MAPK9: variants seen among roughly 807,000 people sequenced by gnomAD.
MAPK9 encodes the protein mitogen-activated protein kinase 9, also known as Jun kinase.
A neutral mutation model predicts 57.1 loss-of-function variants in MAPK9; 30 were observed. The ratio of observed to expected loss-of-function variants is 0.53; its 90% CI spans 0.39 to 0.71. The LOEUF is 0.71. Among genes scored for constraint, MAPK9 ranks in the 30% least tolerant of loss-of-function variants. The pLI is 0.00. For missense variants in MAPK9, 362 were observed against 521.0 expected (o/e 0.69, Z 2.97); for synonymous variants, 155 against 177.0 (o/e 0.88, Z 0.99).
rs769636786 is a variant in MAPK9, at chr5:180,248,957, C to A, written c.616+16G>T. The A allele has an allele frequency of 1.9e-6, 3 of 1,580,688 alleles. No homozygotes were observed. The highest frequency in any genetic ancestry group is 1.7e-6 in the Non-Finnish European group (2 of 1,163,268). On this transcript the variant is annotated intron_variant, in intron 6 of 11. Transcript: ENST00000452135. ...TTCTAAACATCCCAGCCTCTTCCAGCCCCGGCTATACTCACCGTTCTCTTT... is the reference window on the plus strand; with the variant it reads ...TTCTAAACATCCCAGCCTCTTCCAGACCCGGCTATACTCACCGTTCTCTTT...
At chr5:180,262,965 T>A (rs1161870943) in intron 4 of MAPK9, 1 of 152,266 alleles carries the variant, frequency 6.6e-6, no homozygotes. Flanking sequence ...ACTTTCTTAG[T>A]GATCTCAGTT....
At chr5:180,262,031 C>T (rs932837618) in intron 4 of MAPK9, among the ~76,000 whole-genome samples, 6 of 151,530 alleles carry the variant, frequency 4.0e-5, no homozygotes. Context: ...AAAAAAACAA[C>T]AACCTTTTAT....
chr5:180,271,269 G>A (rs1761281461), intron 2 of MAPK9, among the ~76,000 whole-genome samples: 1 of 152,210 alleles, frequency 6.6e-6, no homozygotes, highest in Non-Finnish European at 1.5e-5. Flanking sequence ...TTGTAGCTCA[G>A]CTCCATGAGG....
chr5:180,264,839 T>C lies in MAPK9; in HGVS notation c.253A>G (p.Ile85Val). ...VLLKCVNHKNIISLLNVFTPQ... is the reference protein window; with the variant it reads ...VLLKCVNHKNVISLLNVFTPQ... ...GTAAACACATTTAACAAACTAATTA[T>C]CTGAAAAGAGAAAATTAATTATACT... The change falls in exon 4 of 12, where the codon ATA (isoleucine) becomes GTA (valine). Residue 85 changes from isoleucine (I) to valine (V), a missense_variant and splice_region_variant. Physicochemically the swap from Ile to Val is conservative, Grantham distance 29 (BLOSUM62 3). Around this residue, in one of 3 missense-constraint regions of MAPK9, gnomAD observed 127 missense variants for 231.7 expected, o/e 0.55. Transcript: ENST00000452135. The C allele has an allele frequency of 6.5e-7, 1 of 1,539,872 alleles. No homozygotes were observed. The highest frequency in any genetic ancestry group is 2.3e-5 in the East Asian group (1 of 43,290).
chr5:180,254,720 C>G (rs1193460790), intron 5 of MAPK9, among the ~76,000 whole-genome samples: 1 of 152,086 alleles, frequency 6.6e-6, no homozygotes, highest in African/African-American at 2.4e-5. Context: ...AAACCAAAAC[C>G]CAAAACCACA....
At chr5:180,251,705 A>G (rs1758708074) in intron 5 of MAPK9, among the ~76,000 whole-genome samples, 1 of 130,782 alleles carries the variant, frequency 7.6e-6, no homozygotes, top group African/African-American at 2.9e-5. Flanking sequence ...CTCAGAACAA[A>G]GAAGACAAAT....
Position 180,261,048 on chromosome 5 carries a change from G to A in MAPK9, c.450+636C>T, listed in dbSNP as rs114955561. Among the ~76,000 whole-genome samples, 324 of 151,954 alleles carry A rather than the reference G, an allele frequency of 2.1e-3. 2 individuals carry two copies. The highest frequency in any genetic ancestry group is 7.4e-3 in the African/African-American group (307 of 41,410). On this transcript the variant is annotated intron_variant, in intron 5 of 11. Coordinates refer to ENST00000452135, the MANE Select transcript of MAPK9 (RefSeq NM_002752.5). ...AGAGAATTATATTAATTATATTATCGCTCCCTAGCTTATTAAATGTTTTTC... is the reference window on the plus strand; with the variant it reads ...AGAGAATTATATTAATTATATTATCACTCCCTAGCTTATTAAATGTTTTTC...
chr5:180,280,629 A>C, intron 1 of MAPK9, 21 bp from the exon 2 acceptor site: 1 of 1,568,138 alleles, frequency 6.4e-7, no homozygotes, highest in Non-Finnish European at 8.7e-7. Flanking sequence ...AAACAGAATG[A>C]ACGTGCATTC....
At chr5:180,253,276 CCTTCT>C (rs1758902845) in intron 5 of MAPK9, among the ~76,000 whole-genome samples, 1 of 152,238 alleles carries the variant, frequency 6.6e-6, no homozygotes, top group Non-Finnish European at 1.5e-5. Context: ...GCTCCCCCTT[CCTTCT>C]CGCACAGGCC....
chr5:180,258,499 G>A (rs1190576803), intron 5 of MAPK9: 1 of 153,876 alleles, frequency 6.5e-6, no homozygotes, highest in Non-Finnish European at 1.5e-5. Context: ...ATGTAGCAAA[G>A]CCTTCAGTCA....
At chr5:180,265,417 T>C (rs1165320648) in intron 3 of MAPK9, among the ~76,000 whole-genome samples, 1 of 152,188 alleles carries the variant, frequency 6.6e-6, no homozygotes, top group Non-Finnish European at 1.5e-5. Flanking sequence ...GACTGGATCA[T>C]GGGGGCGGTT....
chr5:180,244,041 G>A (rs1757874287), intron 7 of MAPK9, among the ~76,000 whole-genome samples: 1 of 152,116 alleles, frequency 6.6e-6, no homozygotes, highest in Non-Finnish European at 1.5e-5. Context: ...TAGAGATGGG[G>A]TTTCGCCATG....
At chr5:180,274,093 G>T (rs1013272484) in intron 2 of MAPK9, among the ~76,000 whole-genome samples, 1 of 152,040 alleles carries the variant, frequency 6.6e-6, no homozygotes, top group Non-Finnish European at 1.5e-5. Context: ...ATCCCACCAC[G>T]ATTTCAGTTT....
Position 180,247,332 on chromosome 5 carries a change from G to C in MAPK9, c.688+107C>G. ...AAAGCCCCCCTTAGAACACAGTCTGGAGTGGATTTTACGACTTTGTCCTCG... is the reference window on the plus strand; with the variant it reads ...AAAGCCCCCCTTAGAACACAGTCTGCAGTGGATTTTACGACTTTGTCCTCG... On this transcript the variant is annotated intron_variant, in intron 7 of 11. Coordinates refer to ENST00000452135, the MANE Select transcript of MAPK9 (RefSeq NM_002752.5). This position sits in a 1 kb window ranked among gnomAD's most constrained non-coding sequence, Gnocchi z 4.5. 4 of 1,220,916 alleles carry C rather than the reference G, an allele frequency of 3.3e-6. No individual in the cohort carries two copies. The highest frequency in any genetic ancestry group is 2.4e-6 in the Non-Finnish European group (2 of 827,758). The allele number at this position is 1,220,916 out of a possible 1,614,324, so 75.6% of individuals were successfully genotyped here. A position where few individuals can be genotyped will look rare whatever the true frequency, so the allele number is the denominator to read the frequency against.
chr5:180,251,516 A>T (rs1758691125), intron 5 of MAPK9, among the ~76,000 whole-genome samples: 1 of 152,180 alleles, frequency 6.6e-6, no homozygotes, highest in South Asian at 2.1e-4. Context: ...TAAAGTCCCA[A>T]GCTTGTGTGG....
Position 180,247,406 on chromosome 5 carries a change from G to C in MAPK9, c.688+33C>G. 1 of 1,614,128 alleles carries C rather than the reference G, an allele frequency of 6.2e-7. No homozygotes were observed. Among genetic ancestry groups the C allele is most frequent in the Non-Finnish European group, 8.5e-7 (1 of 1,179,964 alleles). On this transcript the variant is annotated intron_variant, in intron 7 of 11. Coordinates refer to ENST00000452135, the MANE Select transcript of MAPK9 (RefSeq NM_002752.5). This position sits in a 1 kb window ranked among gnomAD's most constrained non-coding sequence, Gnocchi z 4.5. Reference sequence around the variant, plus strand: ...TCATGCTGCCTGAGGCATTAAGAAAGCATGGCGGGGCCAAGGTCGCGGGGA... The same window carrying C: ...TCATGCTGCCTGAGGCATTAAGAAACCATGGCGGGGCCAAGGTCGCGGGGA...
At chr5:180,260,635 T>C (rs1011065435) in intron 5 of MAPK9, among the ~76,000 whole-genome samples, 2 of 152,230 alleles carry the variant, frequency 1.3e-5, no homozygotes, top group African/African-American at 4.8e-5. Flanking sequence ...GTGGGTTTTT[T>C]TGTCAGTTAA....
At chr5:180,263,445 G>T (rs768071669) in intron 4 of MAPK9, among the ~76,000 whole-genome samples, 1 of 152,042 alleles carries the variant, frequency 6.6e-6, no homozygotes, top group Non-Finnish European at 1.5e-5. Context: ...CCAGAGTTAC[G>T]CTTTTCAAAC....
At chr5:180,261,474 C>G (rs990037538) in intron 5 of MAPK9, among the ~76,000 whole-genome samples, 1 of 152,192 alleles carries the variant, frequency 6.6e-6, no homozygotes, top group African/African-American at 2.4e-5. Flanking sequence ...AGCGCAGTAC[C>G]TGGCTGTGTC....
Sources: gnomAD v4.1 joint callset for allele counts (sites outside exome capture counted in the v4.1 genomes callset) on GRCh38, gnomAD v4.1.1 for gene constraint, gnomAD v4.1.1 regional missense constraint, Gnocchi (gnomAD v3.1) non-coding constraint, MANE v1.5 for transcripts, NCBI Gene and HGNC (gene_info 2026-07-23, HGNC 2026-07-21) for gene names.